The following SUCLA2 variants were observed in gnomAD, a reference collection of about 807,000 sequenced individuals.
SUCLA2 encodes the protein succinate--CoA ligase [ADP-forming] subunit beta, mitochondrial.
In SUCLA2, 30 loss-of-function variants were observed where a neutral mutation model predicts 54.8. The ratio of observed to expected loss-of-function variants is 0.55; its 90% CI spans 0.41 to 0.74. The LOEUF (loss-of-function observed/expected upper bound fraction) is 0.74. SUCLA2 is among the 30% of genes least tolerant of loss of function. The probability of loss-of-function intolerance (pLI) is 0.00; values close to 1 mark genes in which losing one functional copy is unlikely to be tolerated. For synonymous variants in SUCLA2, 172 were observed against 188.9 expected, an observed-to-expected ratio of 0.91 and a Z score of 0.74; for missense variants, 476 against 562.9, an observed-to-expected ratio of 0.85 and a Z score of 1.56.
At chr13:47,943,781 T>TATATATATA (rs879516106) in intron 10 of SUCLA2, among the ~76,000 whole-genome samples, 3 of 147,590 alleles carry the variant, frequency 2.0e-5, no homozygotes, top group Admixed American at 6.8e-5. Context: ...TATATATATA[T>TATATATATA]TATTCTAAAT....
At chr13:47,996,794 T>C (rs1269067141) in intron 2 of SUCLA2, 49 bp downstream of exon 2, 1 of 1,592,214 alleles carries the variant, frequency 6.3e-7, no homozygotes, top group Non-Finnish European at 8.6e-7. Context: ...CTTCAAATCT[T>C]CTCAGAGCTC....
chr13:47,956,654 A>C (rs1004002397), intron 6 of SUCLA2, among the ~76,000 whole-genome samples: 2 of 152,238 alleles, frequency 1.3e-5, no homozygotes, highest in Non-Finnish European at 2.9e-5. Context: ...CTGAATCTAA[A>C]GTAGTAAATG....
intron 2 of SUCLA2, among the ~76,000 whole-genome samples, chr13:47,995,225 CAA>C (rs1273883797): frequency 1.3e-5 from 2 of 151,926 alleles, no homozygotes; most frequent in Non-Finnish European, 2.9e-5. Context: ...AATCTGGAAA[CAA>C]GAGGAAAACC....
At chr13:47,944,130 C>T (rs557628899) in intron 10 of SUCLA2, among the ~76,000 whole-genome samples, 5 of 152,090 alleles carry the variant, frequency 3.3e-5, no homozygotes, top group Non-Finnish European at 5.9e-5. Flanking sequence ...ATATCTTTGG[C>T]TGCAAATCCC....
intron 6 of SUCLA2, among the ~76,000 whole-genome samples, chr13:47,955,355 C>A (rs2137695842): frequency 6.6e-6 from 1 of 152,224 alleles, no homozygotes; most frequent in East Asian, 1.9e-4. Context: ...GCATGCACCA[C>A]AACACCCAGC....
At position 47,992,682 on chromosome 13, in the gene SUCLA2, T is replaced by C. The variant is rs577781047; in HGVS notation, c.272-3701A>G. ...TCCCAAGACTGTCTCTAAAACACAA[T>C]CACTATCCCAGCTACCTTTAGTCAC... is the stretch of plus-strand genomic sequence containing the variant. On this transcript the variant is annotated intron_variant, in intron 2 of 10. Transcript: ENST00000646932. Among the ~76,000 whole-genome samples, 4 of 152,258 alleles carry C rather than the reference T, an allele frequency of 2.6e-5. No homozygotes were observed. In the South Asian group the frequency reaches 6.2e-4, roughly 24 times the overall value.
chr13:47,979,053 T>C (rs139953625), intron 4 of SUCLA2, among the ~76,000 whole-genome samples: 301 of 152,320 alleles, frequency 2.0e-3, no homozygotes, highest in Middle Eastern at 6.8e-3. Context: ...AGGAACACTT[T>C]TACACTTTTG....
intron 4 of SUCLA2, among the ~76,000 whole-genome samples, chr13:47,981,325 A>G (rs1950058842): frequency 1.3e-5 from 2 of 152,238 alleles, no homozygotes; most frequent in South Asian, 4.1e-4. Flanking sequence ...CATTTCTCCA[A>G]AGCAGATCTG....
intron 5 of SUCLA2, among the ~76,000 whole-genome samples, chr13:47,970,859 C>CAA (rs375301919): frequency 2.0e-5 from 3 of 148,282 alleles, no homozygotes; most frequent in African/African-American, 4.9e-5. Context: ...GACTCCGTCT[C>CAA]AAAAAAAAAA....
At chr13:47,986,197 A>AT (rs1349059337) in intron 4 of SUCLA2, among the ~76,000 whole-genome samples, 1 of 151,672 alleles carries the variant, frequency 6.6e-6, no homozygotes, top group Admixed American at 6.6e-5. Flanking sequence ...TGCCCAACTA[A>AT]TTTTTTTATT....
chr13:47,999,710 G>GA (rs11346941), intron 1 of SUCLA2, among the ~76,000 whole-genome samples: 133 of 144,070 alleles, frequency 9.2e-4, no homozygotes, highest in South Asian at 3.8e-3. Context: ...CCGTCTCAAG[G>GA]AAAAAAAAAA....
At chr13:47,980,579 T>C (rs1378273984) in intron 4 of SUCLA2, among the ~76,000 whole-genome samples, 1 of 151,354 alleles carries the variant, frequency 6.6e-6, no homozygotes, top group Non-Finnish European at 1.5e-5. Context: ...CTTTTTTTTA[T>C]AAAAATAGAA....
chr13:47,967,548 T>C (rs1425779499), intron 6 of SUCLA2, among the ~76,000 whole-genome samples: 1 of 152,044 alleles, frequency 6.6e-6, no homozygotes, highest in Non-Finnish European at 1.5e-5. Flanking sequence ...AGCATAAAAG[T>C]AATGGAACTC....
Position 47,949,577 on chromosome 13 carries a change from AAAAATGTTGACCAG to A in SUCLA2, c.1120_1133del (p.Leu374TrpfsTer7). ...TAACATCACAGCGCATGATTCCTCC[AAAAATGTTGACCAG>A]AATAGCCAGTACCTATGAATAAAGT... On this transcript the variant is annotated frameshift_variant, in exon 9 of 11. Transcript: ENST00000646932. LOFTEE classifies it high-confidence loss of function. The A allele has an allele frequency of 6.2e-7, 1 of 1,613,504 alleles. No homozygotes were observed. The highest frequency in any genetic ancestry group is 8.5e-7 in the Non-Finnish European group (1 of 1,179,584).
At chr13:47,956,429 G>C (rs187095034) in intron 6 of SUCLA2, among the ~76,000 whole-genome samples, 70 of 152,230 alleles carry the variant, frequency 4.6e-4, no homozygotes, top group Non-Finnish European at 1.0e-4. Context: ...GAAGTCTAAT[G>C]TGAAACTGGA....
In SUCLA2 at chr13:47,954,552, A is replaced by G; in HGVS notation, c.808T>C (p.Cys270Arg). Residue 270 changes from cysteine (C) to arginine (R), a missense_variant, in exon 7 of 11, where the codon TGT becomes CGT. Coordinates refer to ENST00000646932, the MANE Select transcript of SUCLA2 (RefSeq NM_003850.3). ...TCAAAATTGATCTTTGCATCCATACACAATACTTTGAAGGGAAAAAGAGAA... is the reference window on the plus strand; with the variant it reads ...TCAAAATTGATCTTTGCATCCATACGCAATACTTTGAAGGGAAAAAGAGAA... The part of the protein sequence containing the change: ...MVEDSDGAVL[C>R]MDAKINFDSN... The G allele has an allele frequency of 6.2e-7, 1 of 1,613,574 alleles. No individual in the cohort carries two copies. The highest frequency in any genetic ancestry group is 8.5e-7 in the Non-Finnish European group (1 of 1,179,632).
At chr13:47,965,519 A>AC (rs1398953577) in intron 6 of SUCLA2, 15 of 396,280 alleles carry the variant, frequency 3.8e-5, no homozygotes, top group Admixed American at 8.8e-5. Flanking sequence ...AAACAAACAA[A>AC]AAAAAAAAAC....
intron 5 of SUCLA2, among the ~76,000 whole-genome samples, chr13:47,970,933 A>C (rs1949957567): frequency 6.6e-6 from 1 of 152,084 alleles, no homozygotes; most frequent in Non-Finnish European, 1.5e-5. Flanking sequence ...TCTCATTAAG[A>C]AATGTTTAAG....
chr13:47,943,758 G>GTATA (rs1306333313), intron 10 of SUCLA2, among the ~76,000 whole-genome samples: 7 of 125,680 alleles, frequency 5.6e-5, no homozygotes, highest in East Asian at 4.4e-4. Context: ...GTGTGTGTGT[G>GTATA]TGTGTGTGTA....
Sources: gnomAD v4.1 joint callset for allele counts (sites outside exome capture counted in the v4.1 genomes callset) on GRCh38, gnomAD v4.1.1 for gene constraint, MANE v1.5 for transcripts, NCBI Gene and HGNC (gene_info 2026-07-23, HGNC 2026-07-21) for gene names.